RTEL1: variants seen among roughly 807,000 people sequenced by gnomAD.
RTEL1 encodes regulator of telomere elongation helicase 1.
In RTEL1, 86 loss-of-function variants were observed where a neutral mutation model predicts 162.2. That is an observed-to-expected ratio of 0.53 (90% CI 0.45 to 0.63). The LOEUF (loss-of-function observed/expected upper bound fraction) is 0.63. RTEL1 is among the 30% of genes least tolerant of loss of function. RTEL1 has a pLI of 0.00. For missense variants in RTEL1, 1,941 were observed against 1,750.2 expected (o/e 1.11, Z -1.95); for synonymous variants, 958 against 717.9 (o/e 1.33, Z -5.35).
At chr20:63,669,177 A>G (rs918154993) in intron 8 of RTEL1, among the ~76,000 whole-genome samples, 2 of 152,186 alleles carry the variant, frequency 1.3e-5, no homozygotes, top group African/African-American at 4.8e-5. Context: ...CAAACATGCC[A>G]ATTTAATTGA....
In RTEL1 at chr20:63,695,131, G is replaced by A. The variant is rs202193792; in HGVS notation, c.3409G>A (p.Gly1137Ser). ...RFSQTCTDLTGRPYPGMEPPG... is the reference protein window; with the variant it reads ...RFSQTCTDLTSRPYPGMEPPG... ...CTCACAGACGTGCACAGACCTGACC[G>A]GCCGGCCCTACCCGGGCATGGAGCC... The change falls in exon 33 of 35, where the codon GGC (glycine) becomes AGC (serine). Residue 1137 changes from glycine (G) to serine (S), a missense_variant. Gly to Ser is a moderately conservative substitution (Grantham distance 56). Transcript: ENST00000360203. 23 of 1,612,326 alleles carry A rather than the reference G, an allele frequency of 1.4e-5. No individual in the cohort carries two copies. The highest frequency in any genetic ancestry group is 4.5e-5 in the East Asian group (2 of 44,866).
chr20:63,695,888 C>T lies in RTEL1; in HGVS notation c.*30C>T, dbSNP rs762926615. 35 of 1,551,896 alleles carry T rather than the reference C, an allele frequency of 2.3e-5. No homozygotes were observed. The highest frequency in any genetic ancestry group is 5.9e-5 in the South Asian group (5 of 84,330). The stretch of plus-strand genomic sequence containing the variant: ...CCACGGAGGCCCCCAGCACACCCAA[C>T]GTGGCTTGATCACCTGCCTGTCCAG... On this transcript the variant is annotated 3_prime_UTR_variant, in exon 35 of 35. Coordinates refer to ENST00000360203, the MANE Select transcript of RTEL1 (RefSeq NM_001283009.2).
At chr20:63,676,436 C>T (rs2090350644) in intron 10 of RTEL1, among the ~76,000 whole-genome samples, 2 of 152,182 alleles carry the variant, frequency 1.3e-5, no homozygotes, top group Admixed American at 1.3e-4. Flanking sequence ...TCCTTTCTAT[C>T]AGAAGGCTCA....
At chr20:63,685,472 A>G (rs2090571658) in intron 14 of RTEL1, 51 bp from the exon 15 acceptor site, 1 of 1,578,192 alleles carries the variant, frequency 6.3e-7, no homozygotes, top group East Asian at 2.3e-5. Flanking sequence ...TGCTGCAGAA[A>G]GTCGGGTGGC....
chr20:63,684,494 T>C (rs970854032), intron 14 of RTEL1, among the ~76,000 whole-genome samples: 4 of 152,076 alleles, frequency 2.6e-5, no homozygotes, highest in Non-Finnish European at 4.4e-5. Flanking sequence ...CCTGGGATTA[T>C]AGGCACCTGC....
Position 63,659,663 on chromosome 20 carries a change from G to A in RTEL1, c.102+159G>A, listed in dbSNP as rs559772463. Among the ~76,000 whole-genome samples, 3 of 152,326 alleles carry A rather than the reference G, an allele frequency of 2.0e-5. No homozygotes were observed. In the South Asian group the frequency reaches 6.2e-4, roughly 32 times the overall value. On this transcript the variant is annotated intron_variant, in intron 2 of 34. Transcript: ENST00000360203. ...GTGTTCCAGGTGGGGTCAGAGAGAG[G>A]ATTGACAAGTAAAAACGATCGTCCT...
chr20:63,683,312 C>T (rs754271888), intron 14 of RTEL1, among the ~76,000 whole-genome samples: 3 of 152,194 alleles, frequency 2.0e-5, no homozygotes, highest in Non-Finnish European at 4.4e-5. Flanking sequence ...CAGACTCAGC[C>T]CTGCTCATGG....
chr20:63,693,462 T>TTCA (rs377133003), intron 30 of RTEL1, among the ~76,000 whole-genome samples, 179 bp downstream of exon 30: 1,210 of 9,544 alleles, frequency 0.13, 182 homozygotes, highest in African/African-American at 0.16. Context: ...CACCTCCACC[T>TTCA]CCACCTCCAC....
chr20:63,685,173 C>A (rs2090563801), intron 14 of RTEL1, among the ~76,000 whole-genome samples: 1 of 152,042 alleles, frequency 6.6e-6, no homozygotes, highest in Non-Finnish European at 1.5e-5. Flanking sequence ...CAGGCCTGAG[C>A]CACTGCACTA....
Position 63,694,940 on chromosome 20 carries a change from C to T in RTEL1, c.3309C>T (p.Thr1103=), listed in dbSNP as rs773182758. The change falls in exon 32 of 35, where the codon ACC becomes ACT. Residue 1103 remains threonine (T), a synonymous_variant. Coordinates refer to ENST00000360203, the MANE Select transcript of RTEL1 (RefSeq NM_001283009.2). ...DKVLAVLAAL[T]TAKPEDFPLL... The stretch of plus-strand genomic sequence containing the variant: ...TGCTGGCTGTGTTGGCCGCCCTGAC[C>T]ACTGCAAAGCCAGAGGACTTCCCCC... 2 of 1,612,574 alleles carry T rather than the reference C, an allele frequency of 1.2e-6. No homozygotes were observed. Among genetic ancestry groups the T allele is most frequent in the South Asian group, 1.1e-5 (1 of 91,080 alleles).
At chr20:63,693,621 A>ACCT (rs2090869619) in intron 30 of RTEL1, among the ~76,000 whole-genome samples, 10 of 19,848 alleles carry the variant, frequency 5.0e-4, no homozygotes, top group East Asian at 4.3e-3. Flanking sequence ...CTCCACCTCC[A>ACCT]CCACCACCTC....
At chr20:63,666,407 A>G (rs6011001) in intron 7 of RTEL1, among the ~76,000 whole-genome samples, 4,217 of 152,344 alleles carry the variant, frequency 0.028, 202 homozygotes, top group African/African-American at 0.097. Context: ...TTGTGGGTAT[A>G]GCTTCCCATG....
intron 5 of RTEL1, 91 bp from the exon 6 acceptor site, chr20:63,662,738 G>A (rs1389963140): frequency 3.8e-6 from 6 of 1,593,540 alleles, no homozygotes; most frequent in South Asian, 1.1e-5. Context: ...TTCACTGGGG[G>A]ACTGCAGGGG....
At chr20:63,687,068 A>G (rs1601160540) in intron 16 of RTEL1, 1 of 152,946 alleles carries the variant, frequency 6.5e-6, no homozygotes, top group East Asian at 1.9e-4. Flanking sequence ...GCCGTGTTGA[A>G]TTCCCGGCAT....
chr20:63,666,284 C>G (rs1354971229), intron 7 of RTEL1, among the ~76,000 whole-genome samples: 2 of 152,282 alleles, frequency 1.3e-5, no homozygotes, highest in African/African-American at 2.4e-5. Flanking sequence ...CCTCAGCCAT[C>G]CCCGGTGGCC....
chr20:63,694,601 G>A (rs577285936), intron 31 of RTEL1, 113 bp downstream of exon 31: 2 of 1,220,416 alleles, frequency 1.6e-6, no homozygotes, highest in Admixed American at 4.4e-5. Context: ...CCATCTCATG[G>A]TGGGGACTGC....
chr20:63,667,657 A>G (rs908038670), intron 8 of RTEL1, 104 bp downstream of exon 8: 5 of 942,982 alleles, frequency 5.3e-6, no homozygotes, highest in South Asian at 1.3e-5. Context: ...TTAGATCAGC[A>G]GGCCTGGGTG....
At chr20:63,680,050 C>A in intron 13 of RTEL1, 104 bp downstream of exon 13, 2 of 736,144 alleles carry the variant, frequency 2.7e-6, no homozygotes, top group South Asian at 1.8e-5. Flanking sequence ...ACCTGGCCGT[C>A]AGCAGGAACA....
intron 10 of RTEL1, among the ~76,000 whole-genome samples, 185 bp from the exon 11 acceptor site, chr20:63,677,960 C>G (rs2090389356): frequency 6.7e-6 from 1 of 148,750 alleles, no homozygotes. Flanking sequence ...GTGGATTTGG[C>G]CTGCACGGAT....
Sources: allele counts gnomAD v4.1 joint callset (sites outside exome capture counted in the v4.1 genomes callset), GRCh38; gene constraint gnomAD v4.1.1; transcripts MANE v1.5; gene names NCBI Gene and HGNC (gene_info 2026-07-23, HGNC 2026-07-21).